Variants in DIP2B observed in about 807,000 individuals in gnomAD.
DIP2B encodes DIP2 acetate--CoA ligase B (putative).
A neutral mutation model predicts 198.0 loss-of-function variants in DIP2B; 76 were observed. That is an observed-to-expected ratio of 0.38 (90% CI 0.32 to 0.46). The LOEUF (loss-of-function observed/expected upper bound fraction) is 0.46, where lower values mean the gene tolerates loss of function less well. DIP2B is among the 20% of genes least tolerant of loss of function. DIP2B has a pLI of 0.99. For missense variants in DIP2B, 1,559 were observed against 1,978.4 expected, an observed-to-expected ratio of 0.79 and a Z score of 4.02; for synonymous variants, 701 against 739.1, an observed-to-expected ratio of 0.95 and a Z score of 0.84.
intron 12 of DIP2B, among the ~76,000 whole-genome samples, chr12:50,690,131 G>C (rs61926275): frequency 0.29 from 43,750 of 150,084 alleles, 6,590 homozygotes; most frequent in East Asian, 0.43. Context: ...CTGTTGCCCA[G>C]GCTGGAGTGC....
At chr12:50,686,537 T>C (rs1229391543) in intron 11 of DIP2B, 36 bp from the exon 12 acceptor site, 2 of 1,599,252 alleles carry the variant, frequency 1.3e-6, no homozygotes, top group Non-Finnish European at 1.7e-6. Context: ...CCCTGATGGC[T>C]TAGGCAATTC....
chr12:50,508,043 ACT>A (rs1957983586), intron 1 of DIP2B, among the ~76,000 whole-genome samples: 1 of 151,882 alleles, frequency 6.6e-6, no homozygotes, highest in Non-Finnish European at 1.5e-5. Context: ...AGATCAGCCA[ACT>A]CTGTGCTGAA....
At chr12:50,702,950 G>T (rs928150451) in intron 19 of DIP2B, among the ~76,000 whole-genome samples, 1 of 152,110 alleles carries the variant, frequency 6.6e-6, no homozygotes, top group Non-Finnish European at 1.5e-5. Context: ...TTAAGTCTGA[G>T]TATGGTGGCT....
chr12:50,510,833 T>C (rs1328192283), intron 1 of DIP2B, among the ~76,000 whole-genome samples: 1 of 151,612 alleles, frequency 6.6e-6, no homozygotes, highest in Admixed American at 6.6e-5. Flanking sequence ...TTAGTAGAAA[T>C]GGGGTTTCCC....
chr12:50,551,498 C>CAGTATTT (rs1162200052), intron 1 of DIP2B, among the ~76,000 whole-genome samples: 1 of 152,140 alleles, frequency 6.6e-6, no homozygotes, highest in African/African-American at 2.4e-5. Flanking sequence ...GGCTGGCGTG[C>CAGTATTT]AGTAGCATGA....
Position 50,625,972 on chromosome 12 carries a change from T to C in DIP2B, c.101-4T>C. The C allele has an allele frequency of 6.2e-7, 1 of 1,613,962 alleles. No homozygotes were observed. Among genetic ancestry groups the C allele is most frequent in the East Asian group, 2.2e-5 (1 of 44,874 alleles). On this transcript the variant is annotated splice_polypyrimidine_tract_variant and splice_region_variant and intron_variant, in intron 1 of 37. Transcript: ENST00000301180. ...TAACCTATTTCTGTTTCTTGCTATTTTAGGGGACATCACCCAGAAGGGCTA... is the reference window on the plus strand; with the variant it reads ...TAACCTATTTCTGTTTCTTGCTATTCTAGGGGACATCACCCAGAAGGGCTA...
At chr12:50,575,240 G>A (rs183217796) in intron 1 of DIP2B, among the ~76,000 whole-genome samples, 5 of 152,176 alleles carry the variant, frequency 3.3e-5, no homozygotes, top group Admixed American at 2.6e-4. Context: ...CATCTGGGCT[G>A]TCTAAAACTA....
intron 19 of DIP2B, 111 bp from the exon 20 acceptor site, chr12:50,704,029 A>T: frequency 1.2e-6 from 1 of 804,256 alleles, no homozygotes; most frequent in Non-Finnish European, 2.0e-6. Flanking sequence ...TACTGGATTC[A>T]CTATTACATT....
At position 50,686,804 on chromosome 12, in the gene DIP2B, T is replaced by G; in HGVS notation, c.1551+122T>G. On this transcript the variant is annotated intron_variant, in intron 12 of 37. Transcript: ENST00000301180. ...TAGAAGATCCTCCTGCTTTGTGAGA[T>G]TTCCATCTTTTGGCTTGTAAAATGC... 4.6e-6 allele frequency: 4 copies of G among 874,094 alleles called. No homozygotes were observed. In the Middle Eastern group the frequency reaches 8.8e-4, roughly 193 times the overall value. The allele number at this position is 874,094 out of a possible 1,614,324, so 54.1% of individuals were successfully genotyped here. A position where few individuals can be genotyped will look rare whatever the true frequency, so the allele number is the denominator to read the frequency against.
chr12:50,582,174 G>A (rs1463443962), intron 1 of DIP2B, among the ~76,000 whole-genome samples: 1 of 94,774 alleles, frequency 1.1e-5, no homozygotes. Context: ...TTTTTTGAGT[G>A]GAGTTTCGTT....
chr12:50,548,122 C>T (rs965257161), intron 1 of DIP2B, among the ~76,000 whole-genome samples: 2 of 151,932 alleles, frequency 1.3e-5, no homozygotes, highest in East Asian at 1.9e-4. Flanking sequence ...ATAGGAAAAA[C>T]GCATTGATTT....
intron 34 of DIP2B, among the ~76,000 whole-genome samples, chr12:50,736,374 C>T (rs1336433041): frequency 6.6e-6 from 1 of 152,184 alleles, no homozygotes; most frequent in African/African-American, 2.4e-5. Flanking sequence ...GAGGGCTTCT[C>T]AAGTAACCTC....
chr12:50,538,684 C>T (rs1159084295), intron 1 of DIP2B, among the ~76,000 whole-genome samples: 3 of 151,988 alleles, frequency 2.0e-5, no homozygotes, highest in Non-Finnish European at 4.4e-5. Context: ...TTTATATTCT[C>T]TTTTGTATAA....
chr12:50,513,474 G>A (rs908784758), intron 1 of DIP2B, among the ~76,000 whole-genome samples: 1 of 152,214 alleles, frequency 6.6e-6, no homozygotes, highest in Admixed American at 6.5e-5. Context: ...GCTATGAAAA[G>A]GGACATATGG....
intron 2 of DIP2B, among the ~76,000 whole-genome samples, chr12:50,634,183 T>A (rs1938116310): frequency 6.6e-6 from 1 of 152,210 alleles, no homozygotes; most frequent in Non-Finnish European, 1.5e-5. Flanking sequence ...ATTAGCAGAC[T>A]TCCAGGGAGA....
intron 1 of DIP2B, among the ~76,000 whole-genome samples, chr12:50,506,215 C>T (rs1487421063): frequency 2.0e-5 from 3 of 152,116 alleles, no homozygotes; most frequent in African/African-American, 7.2e-5. Flanking sequence ...AGCATTTTCT[C>T]CAAGCTTGAT....
At chr12:50,676,879 G>A (rs1198162671) in intron 7 of DIP2B, among the ~76,000 whole-genome samples, 1 of 152,082 alleles carries the variant, frequency 6.6e-6, no homozygotes, top group African/African-American at 2.4e-5. Context: ...TTAATCTGGT[G>A]GTTTAGCGTC....
intron 19 of DIP2B, among the ~76,000 whole-genome samples, chr12:50,702,387 A>C (rs1939434589): frequency 6.6e-6 from 1 of 150,694 alleles, no homozygotes; most frequent in Non-Finnish European, 1.5e-5. Flanking sequence ...AACATGGTGA[A>C]ACCTTGTGTA....
intron 4 of DIP2B, among the ~76,000 whole-genome samples, chr12:50,662,963 G>T (rs1938678254): frequency 6.6e-6 from 1 of 152,080 alleles, no homozygotes. Context: ...ACAAAAATTA[G>T]CCAGGTGTGG....
Sources: allele counts gnomAD v4.1 joint callset (sites outside exome capture counted in the v4.1 genomes callset), GRCh38; gene constraint gnomAD v4.1.1; transcripts MANE v1.5; gene names NCBI Gene and HGNC (gene_info 2026-07-23, HGNC 2026-07-21).